Variants in SERPINI2 observed in about 807,000 individuals in gnomAD.
SERPINI2 encodes the protein serpin I2.
Under a neutral mutation model 47.3 loss-of-function variants are expected in SERPINI2, and 48 were observed. That is an observed-to-expected ratio of 1.02 (90% confidence interval 0.81 to 1.29). The LOEUF (loss-of-function observed/expected upper bound fraction) is 1.29. Ranked by LOEUF, SERPINI2 falls within the 50% of genes most tolerant of loss-of-function variation. The pLI is 0.00. For missense variants in SERPINI2, 448 were observed against 456.9 expected (o/e 0.98, Z 0.18); for synonymous variants, 135 against 149.3 (o/e 0.90, Z 0.70).
intron 7 of SERPINI2, chr3:167,446,736 C>T (rs1749490893): frequency 8.5e-6 from 2 of 235,426 alleles, no homozygotes; most frequent in East Asian, 1.7e-4. Flanking sequence ...AGCCAGATAC[C>T]AGATTCAATT....
intron 8 of SERPINI2, among the ~76,000 whole-genome samples, chr3:167,443,656 T>A (rs956484742): frequency 1.3e-5 from 2 of 152,082 alleles, no homozygotes; most frequent in East Asian, 3.9e-4. Context: ...TCTGGAAAAA[T>A]TTTAAAGTAA....
intron 8 of SERPINI2, among the ~76,000 whole-genome samples, chr3:167,443,718 A>G (rs573216389): frequency 4.6e-4 from 70 of 152,280 alleles, no homozygotes; most frequent in African/African-American, 1.6e-3. Flanking sequence ...AATTTTAAAT[A>G]CCTAGAAGGG....
chr3:167,470,354 T>C (rs1301386981), intron 2 of SERPINI2, among the ~76,000 whole-genome samples: 1 of 152,126 alleles, frequency 6.6e-6, no homozygotes, highest in Non-Finnish European at 1.5e-5. Context: ...TTGTAAATAG[T>C]ATTTTCAGGA....
chr3:167,468,963 A>G (rs1226405604), intron 2 of SERPINI2, among the ~76,000 whole-genome samples: 2 of 152,206 alleles, frequency 1.3e-5, no homozygotes, highest in East Asian at 1.9e-4. Context: ...GTTCCAAATC[A>G]TTTGTCAAAG....
chr3:167,476,025 T>C (rs934994981), upstream of SERPINI2, among the ~76,000 whole-genome samples: 1 of 151,724 alleles, frequency 6.6e-6, no homozygotes, highest in African/African-American at 2.4e-5. Context: ...AGATTGTTCC[T>C]AAATTTTGAG....
At chr3:167,454,901 T>G (rs766071253) in intron 5 of SERPINI2, among the ~76,000 whole-genome samples, 17 of 152,210 alleles carry the variant, frequency 1.1e-4, no homozygotes, top group Non-Finnish European at 2.2e-4. Flanking sequence ...TTATTTCCAT[T>G]AACGTATAAG....
intron 8 of SERPINI2, among the ~76,000 whole-genome samples, chr3:167,445,186 A>G (rs1045355335): frequency 6.6e-6 from 1 of 152,298 alleles, no homozygotes; most frequent in East Asian, 1.9e-4. Context: ...CATTAGTTTC[A>G]TGGAGCCAAA....
chr3:167,453,218 A>G (rs1749691080), intron 5 of SERPINI2, among the ~76,000 whole-genome samples, 185 bp from the exon 6 acceptor site: 1 of 152,126 alleles, frequency 6.6e-6, no homozygotes, highest in African/African-American at 2.4e-5. Flanking sequence ...GGTTGCCAAT[A>G]ACTTGCTTCC....
rs772906494 is a variant in SERPINI2 at position 167,467,191 on chromosome 3, T to C, written c.342A>G (p.Gln114=). The change falls in exon 3 of 9, where the codon CAA becomes CAG. Residue 114 remains glutamine, a synonymous_variant. Transcript: ENST00000264677. ...ACTGTTCTTTCACAGTGAATCCTTCTTGAAGGTAGAGGGCATTGGCAAGAT... is the reference window on the plus strand; with the variant it reads ...ACTGTTCTTTCACAGTGAATCCTTCCTGAAGGTAGAGGGCATTGGCAAGAT... 1.9e-6 allele frequency: 3 copies of C among 1,613,548 alleles called. No homozygotes were observed. The South Asian group carries it at 3.3e-5, about 18-fold the overall frequency.
intron 5 of SERPINI2, among the ~76,000 whole-genome samples, chr3:167,457,368 C>A (rs1749823764): frequency 6.6e-6 from 1 of 152,170 alleles, no homozygotes; most frequent in African/African-American, 2.4e-5. Context: ...TACAAAACAG[C>A]AAGAATTCAC....
chr3:167,462,568 G>C (rs964624922), intron 5 of SERPINI2, among the ~76,000 whole-genome samples: 1 of 152,148 alleles, frequency 6.6e-6, no homozygotes, highest in African/African-American at 2.4e-5. Context: ...TCATTACTCT[G>C]TAAAAATCTT....
intron 5 of SERPINI2, among the ~76,000 whole-genome samples, chr3:167,459,078 G>GTTTGTTTTTTTTTTTTTTTTTT (rs1560233541): frequency 1.4e-5 from 2 of 139,028 alleles, no homozygotes; most frequent in African/African-American, 5.3e-5. Flanking sequence ...GTTTTTTTTT[G>GTTTGTTTTTTTTTTTTTTTTTT]TTTTTTTTTT....
rs1156708706 is a variant in SERPINI2 at position 167,454,607 on chromosome 3, GATA to G, written c.867-1577_867-1575del. Among the ~76,000 whole-genome samples the G allele has an allele frequency of 4.6e-5, 7 of 152,152 alleles. No homozygotes were observed. In the East Asian group the frequency reaches 9.7e-4, roughly 21 times the overall value. On this transcript the variant is annotated intron_variant, in intron 5 of 8. Transcript: ENST00000264677. ...GGCTATAATAGTCCAATAATTTTAG[GATA>G]ATGACAAAAATACTGCAAGACTTAT...
chr3:167,463,410 A>G lies in SERPINI2; in HGVS notation c.866+1796T>C, dbSNP rs181304479. 2.7e-3 allele frequency among the ~76,000 whole-genome samples: 413 copies of G among 152,072 alleles called. 2 individuals are homozygous for G. Among genetic ancestry groups the G allele is most frequent in the African/African-American group, 9.3e-3 (385 of 41,356 alleles). ...GATTTTAAAAACCAGAATAACAGGG[A>G]TATTTCTGAGAGAGAGTAAGAGGAG... is the stretch of plus-strand genomic sequence containing the variant. On this transcript the variant is annotated intron_variant, in intron 5 of 8. Coordinates refer to ENST00000264677, the Ensembl canonical transcript of SERPINI2.
At chr3:167,456,602 C>G (rs543067419) in intron 5 of SERPINI2, among the ~76,000 whole-genome samples, 3 of 152,322 alleles carry the variant, frequency 2.0e-5, no homozygotes, top group Non-Finnish European at 4.4e-5. Context: ...TCTGTGCTCC[C>G]TCTCTTGCTT....
At chr3:167,458,926 T>C in intron 5 of SERPINI2, among the ~76,000 whole-genome samples, 1 of 152,198 alleles carries the variant, frequency 6.6e-6, no homozygotes, top group East Asian at 1.9e-4. Context: ...TAAAAGTTAC[T>C]TGTTTATTTA....
intron 1 of SERPINI2, 123 bp from the exon 2 acceptor site, chr3:167,471,967 T>C: frequency 1.5e-6 from 1 of 648,010 alleles, no homozygotes. Flanking sequence ...ACAAGTGAAC[T>C]CTATCCAATT....
chr3:167,446,206 A>T (rs1025411702), intron 8 of SERPINI2, among the ~76,000 whole-genome samples, 186 bp downstream of exon 8: 3 of 152,192 alleles, frequency 2.0e-5, no homozygotes, highest in African/African-American at 7.2e-5. Flanking sequence ...GATGGCAGCC[A>T]TTATTACCAC....
chr3:167,465,208 A>C, exon 5 of SERPINI2: 1 of 1,607,036 alleles, frequency 6.2e-7, no homozygotes, highest in Non-Finnish European at 8.5e-7. Flanking sequence ...TCACCAACCT[A>C]GGGAGGCTTA....
Sources: gnomAD v4.1 joint callset for allele counts (sites outside exome capture counted in the v4.1 genomes callset) on GRCh38, gnomAD v4.1.1 for gene constraint, MANE v1.5 for transcripts, NCBI Gene and HGNC (gene_info 2026-07-23, HGNC 2026-07-21) for gene names.